The following ALK variants were observed in gnomAD, a reference collection of about 807,000 sequenced individuals.
The protein encoded by ALK is ALK tyrosine kinase receptor.
A neutral mutation model predicts 163.1 loss-of-function variants in ALK; 74 were observed. The ratio of observed to expected loss-of-function variants is 0.45; its 90% CI spans 0.38 to 0.55. ALK has a LOEUF of 0.55. Ranked by LOEUF, ALK falls within the 20% of genes least tolerant of loss-of-function variation. ALK has a pLI of 0.00. For missense variants in ALK, 2,063 were observed against 2,105.3 expected (o/e 0.98, Z 0.39); for synonymous variants, 960 against 843.2 (o/e 1.14, Z -2.40).
intron 3 of ALK, among the ~76,000 whole-genome samples, chr2:29,614,536 A>G (rs1675787591): frequency 6.6e-6 from 1 of 152,168 alleles, no homozygotes; most frequent in Non-Finnish European, 1.5e-5. Flanking sequence ...TGATCTGGAG[A>G]CCGACAAGAA....
At chr2:29,879,958 A>C (rs1033385779) in intron 1 of ALK, among the ~76,000 whole-genome samples, 17 of 152,208 alleles carry the variant, frequency 1.1e-4, no homozygotes, top group African/African-American at 4.1e-4. Context: ...ATGCTAATCC[A>C]ACTCTTTATC....
intron 3 of ALK, among the ~76,000 whole-genome samples, chr2:29,678,413 T>A (rs1181605173): frequency 1.3e-5 from 2 of 151,698 alleles, no homozygotes; most frequent in African/African-American, 4.8e-5. Flanking sequence ...CTTTACTCTT[T>A]TTCTAATATA....
At chr2:29,577,328 C>T (rs191915769) in intron 3 of ALK, among the ~76,000 whole-genome samples, 20 of 152,306 alleles carry the variant, frequency 1.3e-4, no homozygotes, top group Admixed American at 5.2e-4. Context: ...ACTTCAGATA[C>T]GCTTAAAGCA....
intron 4 of ALK, among the ~76,000 whole-genome samples, chr2:29,524,752 G>A (rs1341253937): frequency 1.3e-5 from 2 of 152,154 alleles, no homozygotes; most frequent in African/African-American, 4.8e-5. Context: ...TGGATGGATG[G>A]GTGGATGGAT....
chr2:29,700,908 G>A (rs1678713926), intron 2 of ALK, among the ~76,000 whole-genome samples: 1 of 152,182 alleles, frequency 6.6e-6, no homozygotes, highest in South Asian at 2.1e-4. Flanking sequence ...ACCTGAGGGT[G>A]GAAATATAGC....
chr2:29,771,979 C>G (rs1316264241), intron 1 of ALK, among the ~76,000 whole-genome samples: 2 of 152,204 alleles, frequency 1.3e-5, no homozygotes, highest in Non-Finnish European at 2.9e-5. Context: ...TCAGTACCAG[C>G]CAGTACCATT....
intron 4 of ALK, among the ~76,000 whole-genome samples, chr2:29,473,908 C>A (rs1671433778): frequency 6.6e-6 from 1 of 151,904 alleles, no homozygotes. Context: ...TGGCTAAAAA[C>A]AAACAAACGA....
intron 3 of ALK, among the ~76,000 whole-genome samples, chr2:29,600,085 G>T (rs957442057): frequency 3.3e-5 from 5 of 152,158 alleles, no homozygotes; most frequent in African/African-American, 7.2e-5. Flanking sequence ...CACACGTGGG[G>T]CAGACCAGTG....
chr2:29,575,526 C>T (rs1158017473), intron 3 of ALK, among the ~76,000 whole-genome samples: 3 of 152,186 alleles, frequency 2.0e-5, no homozygotes, highest in East Asian at 1.9e-4. Flanking sequence ...GAATAAAGCA[C>T]GAAGGCTCGG....
At chr2:29,431,068 A>T (rs1215442576) in intron 4 of ALK, among the ~76,000 whole-genome samples, 3 of 152,022 alleles carry the variant, frequency 2.0e-5, no homozygotes, top group African/African-American at 7.3e-5. Context: ...ACTTCCACCA[A>T]AGACAGACCT....
At chr2:29,585,657 T>C (rs944732713) in intron 3 of ALK, among the ~76,000 whole-genome samples, 1 of 152,162 alleles carries the variant, frequency 6.6e-6, no homozygotes, top group East Asian at 1.9e-4. Flanking sequence ...ATTAAAATAA[T>C]ATACCATATA....
chr2:29,649,128 T>C (rs1676966239), intron 3 of ALK, among the ~76,000 whole-genome samples: 1 of 152,028 alleles, frequency 6.6e-6, no homozygotes, highest in Non-Finnish European at 1.5e-5. Flanking sequence ...TTATATGATA[T>C]TGTGTATGCC....
At chr2:29,628,825 A>C (rs771632480) in intron 3 of ALK, among the ~76,000 whole-genome samples, 2 of 152,226 alleles carry the variant, frequency 1.3e-5, no homozygotes, top group African/African-American at 2.4e-5. Context: ...ACTCTGTAAG[A>C]AAAAAAGGAG....
At chr2:29,518,046 G>A (rs1558362844) in intron 4 of ALK, among the ~76,000 whole-genome samples, 1 of 152,172 alleles carries the variant, frequency 6.6e-6, no homozygotes, top group Admixed American at 6.5e-5. Flanking sequence ...AATAAAACAG[G>A]GTTGGTGGTG....
intron 3 of ALK, among the ~76,000 whole-genome samples, chr2:29,687,133 T>C (rs1056401292): frequency 6.6e-6 from 1 of 152,024 alleles, no homozygotes; most frequent in African/African-American, 2.4e-5. Context: ...CAGAGCCCTC[T>C]TGGTAAGTCT....
chr2:29,233,474 A>T (rs1256591437), intron 14 of ALK, 91 bp downstream of exon 14: 1 of 1,572,658 alleles, frequency 6.4e-7, no homozygotes, highest in Non-Finnish European at 8.7e-7. Context: ...GGATAAGAGC[A>T]TCTGAGGTGT....
intron 4 of ALK, among the ~76,000 whole-genome samples, chr2:29,503,465 G>A (rs934235397): frequency 2.6e-5 from 4 of 152,208 alleles, no homozygotes; most frequent in African/African-American, 7.2e-5. Context: ...AGGGAAATTA[G>A]ATCTCACAGA....
Position 29,265,941 on chromosome 2 carries a change from C to T in ALK, c.2041+9158G>A, listed in dbSNP as rs761030519. Among the ~76,000 whole-genome samples the T allele has an allele frequency of 4.6e-5, 7 of 152,150 alleles. No individual in the cohort carries two copies. The East Asian group carries it at 5.8e-4, about 13-fold the overall frequency. ...TGGAGGTTGCAGTGAGCCAAGATCA[C>T]GGCACTGCACTCCAGCCTGGGTGAC... is the stretch of plus-strand genomic sequence containing the variant. On this transcript the variant is annotated intron_variant, in intron 11 of 28. Coordinates refer to ENST00000389048, the MANE Select transcript of ALK (RefSeq NM_004304.5).
Position 29,405,816 on chromosome 2 carries a change from T to C in ALK, c.1155-21957A>G, listed in dbSNP as rs891398883. Among the ~76,000 whole-genome samples the C allele has an allele frequency of 2.6e-5, 4 of 152,220 alleles. No homozygotes were observed. In the South Asian group the frequency reaches 8.3e-4, roughly 32 times the overall value. ...TGAAGATAGAAATGATAGAAGACCC[T>C]GGAATAATTAATGCCCTTCTGGTAC... On this transcript the variant is annotated intron_variant, in intron 4 of 28. Coordinates refer to ENST00000389048, the MANE Select transcript of ALK (RefSeq NM_004304.5).
Sources: gnomAD v4.1 joint callset for allele counts (sites outside exome capture counted in the v4.1 genomes callset) on GRCh38, gnomAD v4.1.1 for gene constraint, MANE v1.5 for transcripts, NCBI Gene and HGNC (gene_info 2026-07-23, HGNC 2026-07-21) for gene names.